Variants in ARK2N observed in about 807,000 individuals in gnomAD.
The protein encoded by ARK2N is protein ARK2N.
chr18:46,197,543 T>C, the ARK2N span, among the ~76,000 whole-genome samples: 1 of 152,166 alleles, frequency 6.6e-6, no homozygotes, highest in African/African-American at 2.4e-5. Context: ...CAAAGTCTTC[T>C]CTCTTTACAG....
At chr18:46,235,344 A>G in the ARK2N span, among the ~76,000 whole-genome samples, 1 of 152,250 alleles carries the variant, frequency 6.6e-6, no homozygotes, top group Non-Finnish European at 1.5e-5. Context: ...AACATGAGGC[A>G]CTGGCCTAGG....
the ARK2N span, chr18:46,240,026 A>G: frequency 6.2e-7 from 1 of 1,614,054 alleles, no homozygotes; most frequent in Non-Finnish European, 8.5e-7. Flanking sequence ...GTTGTAGCTC[A>G]TTATGATATG....
the ARK2N span, among the ~76,000 whole-genome samples, chr18:46,261,113 G>A: frequency 6.6e-6 from 1 of 152,160 alleles, no homozygotes; most frequent in Non-Finnish European, 1.5e-5. Context: ...ACTTCAATTA[G>A]TGCTTATACA....
chr18:46,258,981 CT>C, the ARK2N span, among the ~76,000 whole-genome samples: 1 of 151,768 alleles, frequency 6.6e-6, no homozygotes, highest in African/African-American at 2.4e-5. Flanking sequence ...CTCTAGCACC[CT>C]TCTGTTTACT....
chr18:46,221,738 G>A, the ARK2N span, among the ~76,000 whole-genome samples: 1,505 of 151,948 alleles, frequency 9.9e-3, 29 homozygotes, highest in African/African-American at 0.034. Flanking sequence ...GGGTTTAATT[G>A]CTTGGCAAAT....
chr18:46,259,243 CTTTTTTTTTT>C, the ARK2N span, among the ~76,000 whole-genome samples: 1 of 136,664 alleles, frequency 7.3e-6, no homozygotes, highest in Non-Finnish European at 1.6e-5. Flanking sequence ...TTCTTTCTTT[CTTTTTTTTTT>C]TTTTTTTTGA....
At chr18:46,263,159 T>TTCCTCA in the ARK2N span, 1 of 1,513,264 alleles carries the variant, frequency 6.6e-7, no homozygotes. Context: ...TCCCTTCCAC[T>TTCCTCA]TCCTCATCCT....
chr18:46,227,278 G>C, the ARK2N span, among the ~76,000 whole-genome samples: 1 of 152,072 alleles, frequency 6.6e-6, no homozygotes, highest in African/African-American at 2.4e-5. Context: ...AAACAATCAA[G>C]ATCTTCGATG....
At chr18:46,176,108 A>G in the ARK2N span, among the ~76,000 whole-genome samples, 1 of 152,182 alleles carries the variant, frequency 6.6e-6, no homozygotes, top group African/African-American at 2.4e-5. Flanking sequence ...TCTTGCTTCT[A>G]ATATTAATAG....
the ARK2N span, among the ~76,000 whole-genome samples, chr18:46,198,296 C>G: frequency 8.4e-6 from 1 of 118,846 alleles, no homozygotes; most frequent in Non-Finnish European, 1.6e-5. Flanking sequence ...GATGACTGAA[C>G]CAGACTCCAT....
chr18:46,259,559 A>G, the ARK2N span, among the ~76,000 whole-genome samples: 1 of 151,366 alleles, frequency 6.6e-6, no homozygotes, highest in East Asian at 2.0e-4. Flanking sequence ...ACTACTTTCT[A>G]ATTACAACCT....
At chr18:46,220,380 G>A in the ARK2N span, among the ~76,000 whole-genome samples, 2 of 152,104 alleles carry the variant, frequency 1.3e-5, no homozygotes, top group African/African-American at 4.8e-5. Context: ...ATCATGACCA[G>A]CTATCATCTT....
chr18:46,199,680 T>C, the ARK2N span, among the ~76,000 whole-genome samples: 1 of 152,082 alleles, frequency 6.6e-6, no homozygotes, highest in African/African-American at 2.4e-5. Flanking sequence ...CATTTTGTTG[T>C]TTACATACAT....
the ARK2N span, among the ~76,000 whole-genome samples, chr18:46,258,757 A>G: frequency 6.6e-6 from 1 of 152,090 alleles, no homozygotes; most frequent in African/African-American, 2.4e-5. Flanking sequence ...TTCCTACCTC[A>G]TGTCTTTCAT....
chr18:46,215,842 T>A, the ARK2N span: 2 of 1,565,182 alleles, frequency 1.3e-6, no homozygotes, highest in Non-Finnish European at 1.7e-6. Context: ...TGATATCATT[T>A]CCTAGACTCT....
chr18:46,206,113 C>G, the ARK2N span, among the ~76,000 whole-genome samples: 1 of 143,518 alleles, frequency 7.0e-6, no homozygotes, highest in African/African-American at 2.6e-5. Context: ...CTTTTTTTTT[C>G]TTTGCTCTGT....
the ARK2N span, among the ~76,000 whole-genome samples, chr18:46,236,266 TC>T: frequency 2.0e-5 from 3 of 152,290 alleles, no homozygotes; most frequent in Middle Eastern, 3.4e-3. Flanking sequence ...TCCTGCCTCG[TC>T]CTCCCAAAGT....
the ARK2N span, among the ~76,000 whole-genome samples, chr18:46,192,309 C>T: frequency 6.6e-6 from 1 of 152,022 alleles, no homozygotes; most frequent in Non-Finnish European, 1.5e-5. Flanking sequence ...TGAGGTGGCT[C>T]ACGCCTGTAA....
the ARK2N span, among the ~76,000 whole-genome samples, chr18:46,231,383 G>T: frequency 6.6e-6 from 1 of 152,118 alleles, no homozygotes; most frequent in South Asian, 2.1e-4. Context: ...TTGACAAATG[G>T]CTGGAGGCAG....
Sources: gnomAD v4.1 joint callset for allele counts (sites outside exome capture counted in the v4.1 genomes callset) on GRCh38, gnomAD v4.1.1 for gene constraint, MANE v1.5 for transcripts, NCBI Gene and HGNC (gene_info 2026-07-23, HGNC 2026-07-21) for gene names.